Variants in YIPF4 observed in about 807,000 individuals in gnomAD.
YIPF4 encodes Yip1 domain family member 4, also known as protein YIPF4.
Under a neutral mutation model 29.4 loss-of-function variants are expected in YIPF4, and 18 were observed. The ratio of observed to expected loss-of-function variants is 0.61; its 90% confidence interval spans 0.42 to 0.91. YIPF4 has a LOEUF of 0.91. Ranked by LOEUF, YIPF4 falls within the 40% of genes least tolerant of loss-of-function variation. YIPF4 has a pLI of 0.00. For synonymous variants in YIPF4, 115 were observed against 104.7 expected (o/e 1.10, Z -0.60); for missense variants, 279 against 282.7 (o/e 0.99, Z 0.09).
At chr2:32,302,984 T>C (rs1002961273) in intron 5 of YIPF4, among the ~76,000 whole-genome samples, 13 of 152,214 alleles carry the variant, frequency 8.5e-5, no homozygotes, top group Non-Finnish European at 2.9e-5. Context: ...TGTCTGGTCT[T>C]CCGAGGTATC....
Position 32,302,974 on chromosome 2 carries a change from T to C in YIPF4, c.597+1479T>C, listed in dbSNP as rs553381421. Reference sequence around the variant, plus strand: ...AACCCTGGTTCTGCCACTTACTTGCTGTCTGGTCTTCCGAGGTATCTTAAC... The same window carrying C: ...AACCCTGGTTCTGCCACTTACTTGCCGTCTGGTCTTCCGAGGTATCTTAAC... On this transcript the variant is annotated intron_variant, in intron 5 of 5. Transcript: ENST00000238831. Among the ~76,000 whole-genome samples the C allele has an allele frequency of 1.2e-4, 19 of 152,374 alleles. No individual in the cohort carries two copies. The South Asian group carries it at 3.9e-3, about 32-fold the overall frequency.
chr2:32,284,859 G>C (rs1352879739), intron 1 of YIPF4, among the ~76,000 whole-genome samples: 3 of 152,116 alleles, frequency 2.0e-5, no homozygotes, highest in African/African-American at 7.2e-5. Flanking sequence ...ATAGAGTCCA[G>C]ATTGAGAGGA....
chr2:32,294,271 G>A (rs1256013520), intron 3 of YIPF4, among the ~76,000 whole-genome samples: 3 of 150,694 alleles, frequency 2.0e-5, no homozygotes, highest in Admixed American at 1.3e-4. Context: ...CTTCTCAGAC[G>A]GGGCGGCTGC....
intron 2 of YIPF4, 41 bp from the exon 3 acceptor site, chr2:32,292,136 G>A (rs1231628723): frequency 7.6e-7 from 1 of 1,315,614 alleles, no homozygotes; most frequent in Non-Finnish European, 1.0e-6. Context: ...TTAGTATTCA[G>A]AAATGTGTGC....
Position 32,278,159 on chromosome 2 carries a change from C to T in YIPF4, c.4C>T (p.Gln2Ter). 2 of 1,560,772 alleles carry T rather than the reference C, an allele frequency of 1.3e-6. No individual in the cohort carries two copies. Among genetic ancestry groups the T allele is most frequent in the Non-Finnish European group, 8.7e-7 (1 of 1,154,034 alleles). Residue 2 changes from glutamine (Q) to a stop codon, truncating the protein, a stop_gained, in exon 1 of 6, where the codon CAG becomes TAG. Coordinates refer to ENST00000238831, the MANE Select transcript of YIPF4 (RefSeq NM_032312.4). LOFTEE classifies it high-confidence loss of function. M[Q>*]PPGPPPAYAP... The stretch of plus-strand genomic sequence containing the variant: ...GCCGGTTGGGAGTCGCCGCGAGATG[C>T]AGCCTCCGGGCCCGCCCCCGGCCTA...
Position 32,315,459 on chromosome 2 carries a change from G to C in YIPF4, c.*9833G>C, listed in dbSNP as rs576401484. 1 of 152,438 alleles carries C rather than the reference G, an allele frequency of 6.6e-6. No individual in the cohort carries two copies. The highest frequency in any genetic ancestry group is 1.5e-5 in the Non-Finnish European group (1 of 68,128). The allele number at this position is 152,438 out of a possible 1,614,324, so 9.4% of individuals were successfully genotyped here. On this transcript the variant is annotated 3_prime_UTR_variant, in exon 6 of 6. Coordinates refer to ENST00000238831, the MANE Select transcript of YIPF4 (RefSeq NM_032312.4). The stretch of plus-strand genomic sequence containing the variant: ...GACATGGTAGGCCAGTCTGAAAAAT[G>C]TAAAGCTGGGCTGCGCGCGGTGGCT...
chr2:32,310,397 G>A lies in YIPF4; in HGVS notation c.*4771G>A, dbSNP rs1424929298. 1 of 152,060 alleles carries A rather than the reference G, an allele frequency of 6.6e-6. No homozygotes were observed. Among genetic ancestry groups the A allele is most frequent in the Non-Finnish European group, 1.5e-5 (1 of 68,018 alleles). 9.4% of individuals were successfully genotyped at this position (152,060 alleles called of 1,614,324 possible). A position where few individuals can be genotyped will look rare whatever the true frequency, so the allele number is the denominator to read the frequency against. On this transcript the variant is annotated 3_prime_UTR_variant, in exon 6 of 6. Transcript: ENST00000238831. ...ATTAGAAGTGCTTCATTCCTCATTT[G>A]TGTACAGCTGTTCCTCTATATACGA...
intron 1 of YIPF4, among the ~76,000 whole-genome samples, chr2:32,284,338 G>T (rs1158624681): frequency 6.6e-6 from 1 of 152,146 alleles, no homozygotes; most frequent in Admixed American, 6.6e-5. Flanking sequence ...TTGCTTAAGC[G>T]AGTGTAATGG....
chr2:32,285,246 C>A (rs192463170), intron 1 of YIPF4, among the ~76,000 whole-genome samples: 5 of 152,110 alleles, frequency 3.3e-5, no homozygotes, highest in Admixed American at 3.3e-4. Flanking sequence ...TTCTAGCTTA[C>A]AATGCTGGAT....
At chr2:32,280,137 T>TATATATATA (rs199832122) in intron 1 of YIPF4, among the ~76,000 whole-genome samples, 1 of 142,348 alleles carries the variant, frequency 7.0e-6, no homozygotes, top group South Asian at 2.2e-4. Flanking sequence ...ATATATATAT[T>TATATATATA]TTTTTTTTGA....
chr2:32,314,894 T>C lies in YIPF4; in HGVS notation c.*9268T>C, dbSNP rs1374168666. ...AAGGTGATGAAGGTAGCATGTCAAA[T>C]TGGTATAAAAAGATGGAATATTAAA... is the stretch of plus-strand genomic sequence containing the variant. On this transcript the variant is annotated 3_prime_UTR_variant, in exon 6 of 6. Coordinates refer to ENST00000238831, the MANE Select transcript of YIPF4 (RefSeq NM_032312.4). 1.3e-5 allele frequency: 2 copies of C among 152,048 alleles called. No individual in the cohort carries two copies. Among genetic ancestry groups the C allele is most frequent in the Non-Finnish European group, 2.9e-5 (2 of 68,010 alleles). The allele number at this position is 152,048 out of a possible 1,614,324, so 9.4% of individuals were successfully genotyped here.
At chr2:32,293,847 C>T (rs1320411734) in intron 3 of YIPF4, among the ~76,000 whole-genome samples, 4 of 138,088 alleles carry the variant, frequency 2.9e-5, no homozygotes, top group South Asian at 2.3e-4. Context: ...GGGGGGCTGA[C>T]CCCCCCACCT....
rs980684938 is a variant in YIPF4 at position 32,315,739 on chromosome 2, C to CAA, written c.*10123_*10124dup. The CAA allele has an allele frequency of 7.3e-6, 1 of 137,240 alleles. No individual in the cohort carries two copies. Among genetic ancestry groups the CAA allele is most frequent in the Non-Finnish European group, 1.6e-5 (1 of 63,332 alleles). The allele number at this position is 137,240 out of a possible 1,614,324, so 8.5% of individuals were successfully genotyped here. A position where few individuals can be genotyped will look rare whatever the true frequency, so the allele number is the denominator to read the frequency against. On this transcript the variant is annotated 3_prime_UTR_variant, in exon 6 of 6. Transcript: ENST00000238831. ...TGGGTGACAAGGCAAGACTCCGTCT[C>CAA]AAAAAAAAAAAGAAAAATATAAAGC...
intron 1 of YIPF4, among the ~76,000 whole-genome samples, chr2:32,285,047 G>C (rs957341226): frequency 6.6e-6 from 1 of 152,124 alleles, no homozygotes; most frequent in African/African-American, 2.4e-5. Flanking sequence ...AAGAATGACT[G>C]GGGGGAGGGC....
At position 32,306,096 on chromosome 2, in the gene YIPF4, A is replaced by G. The variant is rs912071756; in HGVS notation, c.*470A>G. On this transcript the variant is annotated 3_prime_UTR_variant, in exon 6 of 6. Transcript: ENST00000238831. ...ATGAAATAATTCTTACTCACAAAAT[A>G]TATTTCTGATAAACATTAAGATATT... 1.3e-6 allele frequency: 1 copy of G among 784,758 alleles called. No homozygotes were observed. Among genetic ancestry groups the G allele is most frequent in the African/African-American group, 1.9e-5 (1 of 53,018 alleles). 48.6% of individuals were successfully genotyped at this position (784,758 alleles called of 1,614,324 possible).
chr2:32,304,335 A>C (rs1299574129), intron 5 of YIPF4, among the ~76,000 whole-genome samples: 1 of 152,182 alleles, frequency 6.6e-6, no homozygotes, highest in Non-Finnish European at 1.5e-5. Context: ...CTAATCATGA[A>C]ATACAAATGC....
rs1369821051 is a variant in YIPF4, at chr2:32,306,344, C to T, written c.*718C>T. On this transcript the variant is annotated 3_prime_UTR_variant, in exon 6 of 6. Coordinates refer to ENST00000238831, the MANE Select transcript of YIPF4 (RefSeq NM_032312.4). ...AAACCATTTTTGAATGTCCAAACATCTGATTTAAAGTTTCTGTTTATCTTT... is the reference window on the plus strand; with the variant it reads ...AAACCATTTTTGAATGTCCAAACATTTGATTTAAAGTTTCTGTTTATCTTT... 1.0e-6 allele frequency: 1 copy of T among 985,586 alleles called. No individual in the cohort carries two copies. Among genetic ancestry groups the T allele is most frequent in the African/African-American group, 1.7e-5 (1 of 57,210 alleles). 61.1% of individuals were successfully genotyped at this position (985,586 alleles called of 1,614,324 possible). A position where few individuals can be genotyped will look rare whatever the true frequency, so the allele number is the denominator to read the frequency against.
At chr2:32,294,750 A>T (rs1282461204) in intron 3 of YIPF4, among the ~76,000 whole-genome samples, 2 of 152,342 alleles carry the variant, frequency 1.3e-5, no homozygotes, top group African/African-American at 4.8e-5. Context: ...AGCCGAGATC[A>T]CGCCACTGCA....
In YIPF4 at chr2:32,310,348, A is replaced by T. The variant is rs1278648460; in HGVS notation, c.*4722A>T. The T allele has an allele frequency of 6.6e-6, 1 of 151,958 alleles. No individual in the cohort carries two copies. Among genetic ancestry groups the T allele is most frequent in the Non-Finnish European group, 1.5e-5 (1 of 67,998 alleles). 9.4% of individuals were successfully genotyped at this position (151,958 alleles called of 1,614,324 possible). On this transcript the variant is annotated 3_prime_UTR_variant, in exon 6 of 6. Coordinates refer to ENST00000238831, the MANE Select transcript of YIPF4 (RefSeq NM_032312.4). ...CTGCCTCTGAAAAAATCATAATAAT[A>T]CTTTAATTTAGAAAATACCCTGAAT...
Sources: allele counts gnomAD v4.1 joint callset (sites outside exome capture counted in the v4.1 genomes callset), GRCh38; gene constraint gnomAD v4.1.1; transcripts MANE v1.5; gene names NCBI Gene and HGNC (gene_info 2026-07-23, HGNC 2026-07-21).